ERCC6: variants seen among roughly 807,000 people sequenced by gnomAD.
The protein encoded by ERCC6 is ERCC excision repair 6, chromatin remodeling factor, also known as DNA excision repair protein ERCC-6.
Under a neutral mutation model 158.7 loss-of-function variants are expected in ERCC6, and 116 were observed. The observed-to-expected ratio is 0.73, with a 90% CI of 0.63 to 0.85. The LOEUF (loss-of-function observed/expected upper bound fraction) is 0.85. Ranked by LOEUF, ERCC6 falls within the 40% of genes least tolerant of loss-of-function variation. ERCC6 has a pLI of 0.00. For synonymous variants in ERCC6, 678 were observed against 659.3 expected (o/e 1.03, Z -0.43); for missense variants, 1,698 against 1,799.4 (o/e 0.94, Z 1.02).
chr10:49,462,491 A>AT (rs946286982), intron 18 of ERCC6, among the ~76,000 whole-genome samples: 5 of 150,072 alleles, frequency 3.3e-5, no homozygotes, highest in African/African-American at 4.9e-5. Context: ...AAGACTGACA[A>AT]TTTTTTTAAA....
the ERCC6 span, among the ~76,000 whole-genome samples, chr10:49,436,897 G>T: frequency 3.5e-4 from 54 of 152,254 alleles, no homozygotes; most frequent in East Asian, 6.4e-3. Flanking sequence ...GATAAATTGT[G>T]GAATATTTAC....
At position 49,455,316 on chromosome 10, in the gene ERCC6, T is replaced by A. The variant is rs1171912951; in HGVS notation, c.*3499A>T. The stretch of plus-strand genomic sequence containing the variant: ...CTAATCAGAAACATTATATTAATTA[T>A]AAAGAGGTCTATTATTCTCAAATTA... On this transcript the variant is annotated 3_prime_UTR_variant, in exon 21 of 21. Coordinates refer to ENST00000355832, the MANE Select transcript of ERCC6 (RefSeq NM_000124.4). 6.6e-6 allele frequency: 1 copy of A among 152,220 alleles called. No homozygotes were observed. The highest frequency in any genetic ancestry group is 1.5e-5 in the Non-Finnish European group (1 of 68,040). 9.4% of individuals were successfully genotyped at this position (152,220 alleles called of 1,614,324 possible).
chr10:49,491,015 G>A (rs1851165761), intron 8 of ERCC6, among the ~76,000 whole-genome samples: 1 of 152,198 alleles, frequency 6.6e-6, no homozygotes, highest in Non-Finnish European at 1.5e-5. Context: ...ACACGTGTAA[G>A]CCAGCAGGTA....
At chr10:49,449,708 C>A (rs375005996), downstream of ERCC6, among the ~76,000 whole-genome samples, 2 of 150,628 alleles carry the variant, frequency 1.3e-5, no homozygotes, top group Non-Finnish European at 1.5e-5. Flanking sequence ...CACGCCACCA[C>A]GCCCAGCTAA....
intron 4 of ERCC6, 170 bp from the exon 5 acceptor site, chr10:49,524,947 C>T: frequency 6.9e-7 from 1 of 1,451,126 alleles, no homozygotes. Context: ...AAAATTATAG[C>T]ATCATGCTAT....
In ERCC6 at chr10:49,534,425, T is replaced by C. The variant is rs1219942410; in HGVS notation, c.-14-1447A>G. ...GTGCAAGAATGTTTAGTGCAGCACA[T>C]TTTTAATAGTTTAATGTAACTACTA... On this transcript the variant is annotated intron_variant, in intron 1 of 20. Coordinates refer to ENST00000355832, the MANE Select transcript of ERCC6 (RefSeq NM_000124.4). Among the ~76,000 whole-genome samples, 7 of 152,356 alleles carry C rather than the reference T, an allele frequency of 4.6e-5. No individual in the cohort carries two copies. The South Asian group carries it at 1.4e-3, about 32-fold the overall frequency.
chr10:49,459,346 G>A, intron 20 of ERCC6, 112 bp from the exon 21 acceptor site: 2 of 1,149,810 alleles, frequency 1.7e-6, no homozygotes, highest in Non-Finnish European at 1.3e-6. Context: ...AGGGTGGTGA[G>A]GTTGACAGGG....
rs1850520845 is a variant in ERCC6, at chr10:49,458,567, A to C, written c.*248T>G. The C allele has an allele frequency of 4.1e-6, 2 of 492,230 alleles. No homozygotes were observed. The highest frequency in any genetic ancestry group is 4.6e-5 in the South Asian group (2 of 43,522). 30.5% of individuals were successfully genotyped at this position (492,230 alleles called of 1,614,324 possible). ...GTAACTGTTAGGTACCTGATTTACA[A>C]TATAATTAGATTGCCAAAAAAAAAA... On this transcript the variant is annotated 3_prime_UTR_variant, in exon 21 of 21. Transcript: ENST00000355832.
intron 20 of ERCC6, chr10:49,460,116 T>C (rs1000056717): frequency 1.8e-6 from 1 of 545,852 alleles, no homozygotes; most frequent in African/African-American, 1.9e-5. Flanking sequence ...GCGACACACC[T>C]ATCCCTGTGT....
the ERCC6 span, among the ~76,000 whole-genome samples, chr10:49,445,394 C>T: frequency 3.9e-5 from 6 of 152,136 alleles, no homozygotes; most frequent in Non-Finnish European, 7.3e-5. Context: ...GCAATCATGT[C>T]GTTATTTGTA....
chr10:49,441,187 T>C, the ERCC6 span, among the ~76,000 whole-genome samples: 14 of 152,332 alleles, frequency 9.2e-5, no homozygotes, highest in African/African-American at 2.6e-4. Context: ...TACTTTTGAA[T>C]AAAAAGACAT....
intron 10 of ERCC6, 53 bp from the exon 11 acceptor site, chr10:49,478,523 T>G (rs1850919440): frequency 1.8e-6 from 2 of 1,089,720 alleles, no homozygotes; most frequent in South Asian, 2.5e-5. Context: ...AGGAACGCAT[T>G]TGTTCTTACC....
At chr10:49,462,217 C>G (rs111719182) in intron 18 of ERCC6, among the ~76,000 whole-genome samples, 1 of 152,108 alleles carries the variant, frequency 6.6e-6, no homozygotes, top group African/African-American at 2.4e-5. Flanking sequence ...ATAGATTGAA[C>G]TGCATTTGGA....
Position 49,458,888 on chromosome 10 carries a change from A to C in ERCC6, c.4409T>G (p.Leu1470Trp). 6.2e-7 allele frequency: 1 copy of C among 1,614,220 alleles called. No homozygotes were observed. Among genetic ancestry groups the C allele is most frequent in the Non-Finnish European group, 8.5e-7 (1 of 1,180,030 alleles). Residue 1470 changes from leucine (L) to tryptophan (W), a missense_variant, in exon 21 of 21, where the codon TTG becomes TGG. Transcript: ENST00000355832. ...TCTATGGAAAGTGCACAGATTTCTC[A>C]ATAGTTCTCGGAAGACACAAGACTG... ...ASQSCVFRELLRNLCTFHRTS... is the reference protein window; with the variant it reads ...ASQSCVFRELWRNLCTFHRTS...
chr10:49,470,418 T>G lies in ERCC6; in HGVS notation c.3542A>C (p.His1181Pro). The change falls in exon 18 of 21, where the codon CAC becomes CCC. Residue 1181 changes from histidine (H) to proline (P), a missense_variant. Transcript: ENST00000355832. ...ACTATGATGTTTTGTTTTTGACTTG[T>G]GCTTATAAAAATTATTTTCCATTTG... ...NKQMENNFYK[H>P]KSKTKHHSVA... 6.2e-7 allele frequency: 1 copy of G among 1,614,184 alleles called. No homozygotes were observed. The highest frequency in any genetic ancestry group is 8.5e-7 in the Non-Finnish European group (1 of 1,180,022).
chr10:49,534,165 A>ACAAAAAAAAG (rs1837542997), intron 1 of ERCC6, among the ~76,000 whole-genome samples: 9 of 139,234 alleles, frequency 6.5e-5, no homozygotes, highest in Non-Finnish European at 9.4e-5. Context: ...CAAAAAAAAA[A>ACAAAAAAAAG]CTCCATTTTA....
chr10:49,533,361 T>A (rs754115636), intron 1 of ERCC6, among the ~76,000 whole-genome samples: 2 of 152,202 alleles, frequency 1.3e-5, no homozygotes, highest in African/African-American at 4.8e-5. Flanking sequence ...TATAATATAG[T>A]GGCAAGATCA....
chr10:49,443,090 C>T, the ERCC6 span, among the ~76,000 whole-genome samples: 3 of 152,116 alleles, frequency 2.0e-5, no homozygotes, highest in African/African-American at 7.2e-5. Flanking sequence ...TCTTCTTCTG[C>T]CTTTGCGTAA....
intron 5 of ERCC6, among the ~76,000 whole-genome samples, chr10:49,519,741 C>T (rs4253060): frequency 0.1 from 15,663 of 152,232 alleles, 1,175 homozygotes; most frequent in East Asian, 0.38. Flanking sequence ...TCCTTACCAA[C>T]AATGCTTCCC....
Sources: gnomAD v4.1 joint callset for allele counts (sites outside exome capture counted in the v4.1 genomes callset) on GRCh38, gnomAD v4.1.1 for gene constraint, MANE v1.5 for transcripts, NCBI Gene and HGNC (gene_info 2026-07-23, HGNC 2026-07-21) for gene names.